The following NRG3 variants were observed in gnomAD, a reference collection of about 807,000 sequenced individuals.
NRG3 encodes the protein pro-neuregulin-3, membrane-bound isoform.
NRG3 carries 31 observed loss-of-function variants against 66.9 expected under a neutral mutation model. The ratio of observed to expected loss-of-function variants is 0.46; its 90% CI spans 0.35 to 0.63. The LOEUF (loss-of-function observed/expected upper bound fraction) is 0.63, where lower values mean the gene tolerates loss of function less well. Ranked by LOEUF, NRG3 falls within the 20% of genes least tolerant of loss-of-function variation. NRG3 has a pLI of 0.00. For missense variants in NRG3, 910 were observed against 878.9 expected (o/e 1.04, Z -0.45); for synonymous variants, 393 against 359.4 (o/e 1.09, Z -1.06).
intron 1 of NRG3, among the ~76,000 whole-genome samples, chr10:82,044,791 C>G (rs2063200584): frequency 6.6e-6 from 1 of 152,060 alleles, no homozygotes; most frequent in Non-Finnish European, 1.5e-5. Context: ...TGTTCAACTC[C>G]CACCTATGAG....
chr10:82,552,720 T>A (rs1284048159), intron 2 of NRG3, among the ~76,000 whole-genome samples: 3 of 152,154 alleles, frequency 2.0e-5, no homozygotes, highest in Admixed American at 2.0e-4. Context: ...TCAGATTTAG[T>A]TTTTGTCTCC....
chr10:82,578,708 G>A (rs1345368189), intron 2 of NRG3, among the ~76,000 whole-genome samples: 2 of 151,702 alleles, frequency 1.3e-5, no homozygotes, highest in Admixed American at 6.6e-5. Flanking sequence ...ATACACTGGT[G>A]CCTAATGGGA....
chr10:82,176,516 G>T (rs1005525029), intron 1 of NRG3, among the ~76,000 whole-genome samples: 6 of 152,036 alleles, frequency 3.9e-5, no homozygotes, highest in African/African-American at 1.4e-4. Context: ...GCCCAAACAC[G>T]TAGGCTACCC....
intron 1 of NRG3, among the ~76,000 whole-genome samples, chr10:82,101,866 T>C (rs2132117688): frequency 6.6e-6 from 1 of 151,254 alleles, no homozygotes; most frequent in Non-Finnish European, 1.5e-5. Flanking sequence ...TCCCATATTG[T>C]TGCTGATTTT....
In NRG3 at chr10:81,959,550, C is replaced by T. The variant is rs17726095; in HGVS notation, c.823+83387C>T. Among the ~76,000 whole-genome samples, 1,193 of 152,226 alleles carry T rather than the reference C, an allele frequency of 7.8e-3. 4 individuals carry two copies. Among genetic ancestry groups the T allele is most frequent in the Middle Eastern group, 0.017 (5 of 292 alleles). Reference sequence around the variant, plus strand: ...ATTGTATATTAATTTATACTGCTCACTTCTCCTTTGGATTTGTTGTGGTTT... The same window carrying T: ...ATTGTATATTAATTTATACTGCTCATTTCTCCTTTGGATTTGTTGTGGTTT... On this transcript the variant is annotated intron_variant, in intron 1 of 8. Coordinates refer to ENST00000372141, the MANE Select transcript of NRG3 (RefSeq NM_001010848.4).
intron 1 of NRG3, among the ~76,000 whole-genome samples, chr10:81,886,046 T>C (rs1028692462): frequency 6.6e-6 from 1 of 152,102 alleles, no homozygotes; most frequent in Non-Finnish European, 1.5e-5. Flanking sequence ...TCAGGATAAA[T>C]AGCTAATGCA....
chr10:82,401,635 A>C (rs544119717), intron 2 of NRG3, among the ~76,000 whole-genome samples: 1 of 152,260 alleles, frequency 6.6e-6, no homozygotes, highest in African/African-American at 2.4e-5. Flanking sequence ...CTTGTTAGTA[A>C]AATTTTTAAT....
chr10:82,319,959 G>A (rs2081481676), intron 1 of NRG3, among the ~76,000 whole-genome samples: 1 of 152,172 alleles, frequency 6.6e-6, no homozygotes, highest in Non-Finnish European at 1.5e-5. Flanking sequence ...GTTGGGAAGG[G>A]TACTAACTCT....
chr10:82,779,278 C>G (rs1051430847), intron 3 of NRG3, among the ~76,000 whole-genome samples: 1 of 152,078 alleles, frequency 6.6e-6, no homozygotes, highest in Non-Finnish European at 1.5e-5. Flanking sequence ...TAGGGGCCTC[C>G]TCCTTCCTGT....
intron 1 of NRG3, among the ~76,000 whole-genome samples, chr10:81,882,063 A>G (rs1442229609): frequency 6.6e-6 from 1 of 152,246 alleles, no homozygotes; most frequent in Non-Finnish European, 1.5e-5. Flanking sequence ...CCATAATCAT[A>G]TATCACTGGT....
chr10:82,811,207 A>T (rs557617499), intron 3 of NRG3, among the ~76,000 whole-genome samples: 1 of 152,192 alleles, frequency 6.6e-6, no homozygotes, highest in African/African-American at 2.4e-5. Flanking sequence ...ACTTATAACC[A>T]TCTTCACATG....
At chr10:82,004,205 T>TA (rs1050402406) in intron 1 of NRG3, among the ~76,000 whole-genome samples, 1 of 152,092 alleles carries the variant, frequency 6.6e-6, no homozygotes, top group Admixed American at 6.6e-5. Flanking sequence ...ACTATATTAT[T>TA]ATGAAGAATT....
At chr10:82,049,804 C>T (rs2063504235) in intron 1 of NRG3, among the ~76,000 whole-genome samples, 1 of 151,964 alleles carries the variant, frequency 6.6e-6, no homozygotes, top group South Asian at 2.1e-4. Context: ...AGTTTAAAAG[C>T]ACCAAGCTGA....
At chr10:81,968,324 A>G (rs1309184932) in intron 1 of NRG3, among the ~76,000 whole-genome samples, 1 of 151,964 alleles carries the variant, frequency 6.6e-6, no homozygotes, top group Non-Finnish European at 1.5e-5. Flanking sequence ...CTAATCAATC[A>G]CTCTAAGGCA....
chr10:82,320,010 A>G (rs1414283144), intron 1 of NRG3, among the ~76,000 whole-genome samples: 2 of 152,188 alleles, frequency 1.3e-5, no homozygotes, highest in East Asian at 3.8e-4. Flanking sequence ...GTGTAAGTAA[A>G]TCAAGGGCTC....
chr10:82,362,203 T>C (rs2084192554), intron 2 of NRG3, among the ~76,000 whole-genome samples: 1 of 150,836 alleles, frequency 6.6e-6, no homozygotes, highest in African/African-American at 2.4e-5. Flanking sequence ...AAGAAACACT[T>C]GTGGTACCAG....
intron 2 of NRG3, among the ~76,000 whole-genome samples, chr10:82,404,874 A>G (rs1272381960): frequency 6.6e-6 from 1 of 151,928 alleles, no homozygotes; most frequent in South Asian, 2.1e-4. Flanking sequence ...TCATTTTGCC[A>G]TTTTTTTCCC....
intron 8 of NRG3, among the ~76,000 whole-genome samples, chr10:82,982,442 T>C (rs1460616030): frequency 6.6e-6 from 1 of 152,136 alleles, no homozygotes; most frequent in Non-Finnish European, 1.5e-5. Context: ...TGTGGAAGCA[T>C]CATTGGCCCT....
chr10:82,526,506 T>G (rs1846712055), intron 2 of NRG3, among the ~76,000 whole-genome samples: 1 of 151,710 alleles, frequency 6.6e-6, no homozygotes, highest in Non-Finnish European at 1.5e-5. Context: ...TAGATGTACC[T>G]AAAGCATAAA....
Sources: allele counts gnomAD v4.1 joint callset (sites outside exome capture counted in the v4.1 genomes callset), GRCh38; gene constraint gnomAD v4.1.1; transcripts MANE v1.5; gene names NCBI Gene and HGNC (gene_info 2026-07-23, HGNC 2026-07-21).